CDK5R2: variants seen among roughly 807,000 people sequenced by gnomAD.
The protein encoded by CDK5R2 is cyclin-dependent kinase 5 activator 2.
In CDK5R2, 7 loss-of-function variants were observed where a neutral mutation model predicts 23.1. That is an observed-to-expected ratio of 0.30 (90% CI 0.17 to 0.57). The LOEUF (loss-of-function observed/expected upper bound fraction) is 0.57, where lower values mean the gene tolerates loss of function less well. Ranked by LOEUF, CDK5R2 falls within the 20% of genes least tolerant of loss-of-function variation. The probability of loss-of-function intolerance (pLI) is 0.91; values close to 1 mark genes in which losing one functional copy is unlikely to be tolerated. For missense variants in CDK5R2, 380 were observed against 537.6 expected, an observed-to-expected ratio of 0.71 and a Z score of 2.90; for synonymous variants, 242 against 264.9, an observed-to-expected ratio of 0.91 and a Z score of 0.84.
chr2:218,960,660 A>T lies in CDK5R2; in HGVS notation c.840A>T (p.Pro280=), dbSNP rs760088475. ...ACATGGGCAACGAGATCTCCTACCC[A>T]CTCAAGCCCTTCCTCGTGGAGCCCG... The part of the protein sequence containing the change: ...YSYMGNEISY[P]LKPFLVEPDK... The change falls in exon 1 of 1, where the codon CCA becomes CCT. Residue 280 remains proline, a synonymous_variant. Coordinates refer to ENST00000302625, the MANE Select transcript of CDK5R2 (RefSeq NM_003936.5). The T allele has an allele frequency of 1.1e-5, 17 of 1,612,748 alleles. No individual in the cohort carries two copies. Among genetic ancestry groups the T allele is most frequent in the Non-Finnish European group, 1.4e-5 (17 of 1,179,596 alleles).
chr2:218,959,874 C>T lies in CDK5R2; in HGVS notation c.54C>T (p.Pro18=), dbSNP rs542541754. 2.8e-5 allele frequency: 40 copies of T among 1,438,152 alleles called. No homozygotes were observed. The African/African-American group carries it at 3.9e-4, about 14-fold the overall frequency. The allele number at this position is 1,438,152 out of a possible 1,614,324, so 89.1% of individuals were successfully genotyped here. A position where few individuals can be genotyped will look rare whatever the true frequency, so the allele number is the denominator to read the frequency against. The change falls in exon 1 of 1, where the codon CCC becomes CCT. Residue 18 remains proline, a synonymous_variant. Coordinates refer to ENST00000302625, the MANE Select transcript of CDK5R2 (RefSeq NM_003936.5). This position sits in a 1 kb window ranked among gnomAD's most constrained non-coding sequence, Gnocchi z 4.0. Reference sequence around the variant, plus strand: ...CCTCCTCGGCCAAGGGCCGGAGGCCCGGCGGGCTGCCCGAGGAGAAGAAGA... The same window carrying T: ...CCTCCTCGGCCAAGGGCCGGAGGCCTGGCGGGCTGCCCGAGGAGAAGAAGA... The part of the protein sequence containing the change: ...SPASSAKGRR[P]GGLPEEKKKA...
In CDK5R2 at chr2:218,960,185, C is replaced by T. The variant is rs1345420961; in HGVS notation, c.365C>T (p.Ala122Val). 65 of 1,503,512 alleles carry T rather than the reference C, an allele frequency of 4.3e-5. No homozygotes were observed. The highest frequency in any genetic ancestry group is 5.2e-5 in the Non-Finnish European group (59 of 1,131,646). The allele number at this position is 1,503,512 out of a possible 1,614,324, so 93.1% of individuals were successfully genotyped here. ...PDGGGTAKPLAVPVPTVPAAA... is the reference protein window; with the variant it reads ...PDGGGTAKPLVVPVPTVPAAA... ...GGCGGCGGCACCGCCAAGCCCCTGG[C>T]GGTGCCAGTGCCCACCGTGCCCGCG... Residue 122 changes from alanine to valine, a missense_variant, in exon 1 of 1, where the codon GCG becomes GTG. By Grantham distance (64) the Ala-to-Val change is moderately conservative (BLOSUM62 0). Transcript: ENST00000302625.
Position 218,960,318 on chromosome 2 carries a change from GC to G in CDK5R2, c.500del (p.Pro167ArgfsTer38), listed in dbSNP as rs1945194138. ...CGCCTCCCCCAGCCCCGCAGGTGGC[GC>G]CGCCGGTGCCTGGCGGCTCGCCGCG... ...PPPPPAPQVA[P>X]PVPGGSPRRV... On this transcript the variant is annotated frameshift_variant, in exon 1 of 1. Transcript: ENST00000302625. LOFTEE classifies it high-confidence loss of function. The G allele has an allele frequency of 6.8e-7, 1 of 1,473,956 alleles. No homozygotes were observed. The highest frequency in any genetic ancestry group is 8.9e-7 in the Non-Finnish European group (1 of 1,120,398). 91.3% of individuals were successfully genotyped at this position (1,473,956 alleles called of 1,614,324 possible).
rs1345637725 is a variant in CDK5R2, at chr2:218,960,439, G to A, written c.619G>A (p.Gly207Ser). ...CTATCGCCTCAAGGAGCTGAGCCCG[G>A]GCGAGCTGGTGGGCTGGTTCCGCGG... ...RCYRLKELSP[G>S]ELVGWFRGVD... Residue 207 changes from glycine (G) to serine (S), a missense_variant, in exon 1 of 1, where the codon GGC becomes AGC. Physicochemically the swap from Gly to Ser is moderately conservative, Grantham distance 56. Transcript: ENST00000302625. 1.2e-6 allele frequency: 2 copies of A among 1,611,610 alleles called. No individual in the cohort carries two copies. The highest frequency in any genetic ancestry group is 1.7e-6 in the Non-Finnish European group (2 of 1,179,820).
Position 218,960,090 on chromosome 2 carries a change from G to C in CDK5R2, c.270G>C (p.Thr90=), listed in dbSNP as rs368889776. The C allele has an allele frequency of 1.2e-5, 20 of 1,602,136 alleles. No homozygotes were observed. The Admixed American group carries it at 3.4e-4, about 27-fold the overall frequency. The part of the protein sequence containing the change: ...SKKVTPKPAS[T]GPDPLVQQRN... ...AGGTGACACCCAAGCCGGCATCCACGGGCCCCGACCCCCTGGTCCAGCAAC... is the reference window on the plus strand; with the variant it reads ...AGGTGACACCCAAGCCGGCATCCACCGGCCCCGACCCCCTGGTCCAGCAAC... The change falls in exon 1 of 1, where the codon ACG becomes ACC. Residue 90 remains threonine (T), a synonymous_variant. Coordinates refer to ENST00000302625, the MANE Select transcript of CDK5R2 (RefSeq NM_003936.5).
chr2:218,960,859 T>C lies in CDK5R2; in HGVS notation c.1039T>C (p.Ser347Pro). 6.7e-7 allele frequency: 1 copy of C among 1,486,194 alleles called. No homozygotes were observed. Among genetic ancestry groups the C allele is most frequent in the Non-Finnish European group, 8.8e-7 (1 of 1,131,044 alleles). The allele number at this position is 1,486,194 out of a possible 1,614,324, so 92.1% of individuals were successfully genotyped here. A position where few individuals can be genotyped will look rare whatever the true frequency, so the allele number is the denominator to read the frequency against. ...GPPSGGAPAASSAARDSCAAG... is the reference protein window; with the variant it reads ...GPPSGGAPAAPSAARDSCAAG... ...ACCGAGCGGGGGCGCGCCCGCCGCC[T>C]CCTCGGCCGCCAGGGACAGCTGCGC... Residue 347 changes from serine to proline, a missense_variant, in exon 1 of 1, where the codon TCC becomes CCC. Ser to Pro is a moderately conservative substitution (Grantham distance 74). Around this residue, in one of 3 missense-constraint regions of CDK5R2, gnomAD observed 59 missense variants for 55.7 expected, o/e 1.06. Coordinates refer to ENST00000302625, the MANE Select transcript of CDK5R2 (RefSeq NM_003936.5).
Position 218,959,690 on chromosome 2 carries a change from C to CCT in CDK5R2, c.-131_-130insCT, listed in dbSNP as rs906482667. 2 of 1,097,084 alleles carry CCT rather than the reference C, an allele frequency of 1.8e-6. No homozygotes were observed. Among genetic ancestry groups the CCT allele is most frequent in the African/African-American group, 3.3e-5 (2 of 61,266 alleles). 68.0% of individuals were successfully genotyped at this position (1,097,084 alleles called of 1,614,324 possible). ...TAGAGCAGCGGAGCCGCCTAGCAGC[C>CCT]ACCTTCCCCCGCCAGTCCGCGCGCC... On this transcript the variant is annotated 5_prime_UTR_variant, in exon 1 of 1. Coordinates refer to ENST00000302625, the MANE Select transcript of CDK5R2 (RefSeq NM_003936.5). The surrounding 1 kb of genome is among the most constrained non-coding windows in gnomAD (Gnocchi z 4.0).
In CDK5R2 at chr2:218,960,438, G is replaced by A. The variant is rs201671241; in HGVS notation, c.618G>A (p.Pro206=). ...RRCYRLKELS[P]GELVGWFRGV... is the part of the protein sequence containing the mutation. Reference sequence around the variant, plus strand: ...GCTATCGCCTCAAGGAGCTGAGCCCGGGCGAGCTGGTGGGCTGGTTCCGCG... The same window carrying A: ...GCTATCGCCTCAAGGAGCTGAGCCCAGGCGAGCTGGTGGGCTGGTTCCGCG... Residue 206 remains proline (P), a synonymous_variant, in exon 1 of 1, where the codon CCG becomes CCA. Coordinates refer to ENST00000302625, the MANE Select transcript of CDK5R2 (RefSeq NM_003936.5). The A allele has an allele frequency of 2.2e-5, 36 of 1,611,440 alleles. No homozygotes were observed. The highest frequency in any genetic ancestry group is 3.3e-5 in the South Asian group (3 of 91,068).
In CDK5R2 at chr2:218,960,820, A is replaced by G. The variant is rs777626974; in HGVS notation, c.1000A>G (p.Ser334Gly). Reference protein sequence around the residue: ...DLKNEGEAAASGGGPPSGGAP... With the variant: ...DLKNEGEAAAGGGGPPSGGAP... ...CAAGAACGAGGGCGAGGCCGCCGCCAGCGGCGGGGGCCCACCGAGCGGGGG... is the reference window on the plus strand; with the variant it reads ...CAAGAACGAGGGCGAGGCCGCCGCCGGCGGCGGGGGCCCACCGAGCGGGGG... Residue 334 changes from serine (S) to glycine (G), a missense_variant, in exon 1 of 1, where the codon AGC becomes GGC. Physicochemically the swap from Ser to Gly is moderately conservative, Grantham distance 56. This residue lies in a region of CDK5R2 where 59 missense variants were observed against 55.7 expected (regional missense o/e 1.06). Coordinates refer to ENST00000302625, the MANE Select transcript of CDK5R2 (RefSeq NM_003936.5). The G allele has an allele frequency of 6.4e-7, 1 of 1,574,588 alleles. No homozygotes were observed. Among genetic ancestry groups the G allele is most frequent in the African/African-American group, 1.4e-5 (1 of 71,422 alleles).
rs1393912524 is a variant in CDK5R2, at chr2:218,961,211, C to T, written c.*287C>T. On this transcript the variant is annotated 3_prime_UTR_variant, in exon 1 of 1. Coordinates refer to ENST00000302625, the MANE Select transcript of CDK5R2 (RefSeq NM_003936.5). This position sits in a 1 kb window ranked among gnomAD's most constrained non-coding sequence, Gnocchi z 4.4. ...CATTTCTCCATTTCTGCCGGGGTCT[C>T]CCCCTTCCCTTCAGCCCATTCCCCC... The T allele has an allele frequency of 8.0e-6, 3 of 374,346 alleles. No homozygotes were observed. Among genetic ancestry groups the T allele is most frequent in the Admixed American group, 9.6e-5 (2 of 20,906 alleles). The allele number at this position is 374,346 out of a possible 1,614,324, so 23.2% of individuals were successfully genotyped here. A position where few individuals can be genotyped will look rare whatever the true frequency, so the allele number is the denominator to read the frequency against.
Position 218,960,926 on chromosome 2 carries a change from G to T in CDK5R2, c.*2G>T, listed in dbSNP as rs1039510827. ...TGGACTATGAACCTGGACCGCTAGG[G>T]ATACCCAGGGGCCGCGCCCATCCCC... On this transcript the variant is annotated 3_prime_UTR_variant, in exon 1 of 1. Transcript: ENST00000302625. The T allele has an allele frequency of 3.6e-6, 5 of 1,388,188 alleles. No homozygotes were observed. The highest frequency in any genetic ancestry group is 4.7e-6 in the Non-Finnish European group (5 of 1,059,954). 86.0% of individuals were successfully genotyped at this position (1,388,188 alleles called of 1,614,324 possible).
rs550501927 is a variant in CDK5R2 at position 218,960,268 on chromosome 2, T to C, written c.448T>C (p.Ser150Pro). 251 of 1,277,620 alleles carry C rather than the reference T, an allele frequency of 2.0e-4. 1 individual carries two copies. The Middle Eastern group carries it at 2.9e-3, about 15-fold the overall frequency. The allele number at this position is 1,277,620 out of a possible 1,614,324, so 79.1% of individuals were successfully genotyped here. Residue 150 changes from serine (S) to proline (P), a missense_variant, in exon 1 of 1, where the codon TCG becomes CCG. By Grantham distance (74) the Ser-to-Pro change is moderately conservative. Around this residue, in one of 3 missense-constraint regions of CDK5R2, gnomAD observed 197 missense variants for 246.4 expected, o/e 0.80. Coordinates refer to ENST00000302625, the MANE Select transcript of CDK5R2 (RefSeq NM_003936.5). ...GGSAAAQPPG[S>P]GGGKPPPPPP... is the part of the protein sequence containing the mutation. ...CAGCGCGGCCGCTCAGCCGCCGGGC[T>C]CGGGCGGGGGAAAGCCTCCGCCGCC...
rs1272675378 is a variant in CDK5R2 at position 218,960,328 on chromosome 2, C to T, written c.508C>T (p.Pro170Ser). 1.5e-5 allele frequency: 23 copies of T among 1,500,206 alleles called. No homozygotes were observed. Among genetic ancestry groups the T allele is most frequent in the Non-Finnish European group, 1.2e-5 (14 of 1,131,462 alleles). The allele number at this position is 1,500,206 out of a possible 1,614,324, so 92.9% of individuals were successfully genotyped here. ...PPAPQVAPPVPGGSPRRVIVQ... is the reference protein window; with the variant it reads ...PPAPQVAPPVSGGSPRRVIVQ... Reference sequence around the variant, plus strand: ...AGCCCCGCAGGTGGCGCCGCCGGTGCCTGGCGGCTCGCCGCGGCGGGTCAT... The same window carrying T: ...AGCCCCGCAGGTGGCGCCGCCGGTGTCTGGCGGCTCGCCGCGGCGGGTCAT... The change falls in exon 1 of 1, where the codon CCT (proline) becomes TCT (serine). Residue 170 changes from proline to serine, a missense_variant. Coordinates refer to ENST00000302625, the MANE Select transcript of CDK5R2 (RefSeq NM_003936.5).
In CDK5R2 at chr2:218,961,085, C is replaced by G. The variant is rs967809075; in HGVS notation, c.*161C>G. The G allele has an allele frequency of 4.4e-6, 2 of 450,170 alleles. No individual in the cohort carries two copies. Among genetic ancestry groups the G allele is most frequent in the Non-Finnish European group, 3.9e-6 (1 of 253,860 alleles). 27.9% of individuals were successfully genotyped at this position (450,170 alleles called of 1,614,324 possible). A position where few individuals can be genotyped will look rare whatever the true frequency, so the allele number is the denominator to read the frequency against. On this transcript the variant is annotated 3_prime_UTR_variant, in exon 1 of 1. Coordinates refer to ENST00000302625, the MANE Select transcript of CDK5R2 (RefSeq NM_003936.5). The surrounding 1 kb of genome is among the most constrained non-coding windows in gnomAD (Gnocchi z 4.4). ...TCAGGGGAAAGTGGAGACCGGGACACCAGAGGCCGCGGTGTTTGGATTTGC... is the reference window on the plus strand; with the variant it reads ...TCAGGGGAAAGTGGAGACCGGGACAGCAGAGGCCGCGGTGTTTGGATTTGC...
At position 218,960,853 on chromosome 2, in the gene CDK5R2, G is replaced by T; in HGVS notation, c.1033G>T (p.Ala345Ser). 1.3e-6 allele frequency: 2 copies of T among 1,497,716 alleles called. No individual in the cohort carries two copies. Among genetic ancestry groups the T allele is most frequent in the Non-Finnish European group, 1.8e-6 (2 of 1,136,194 alleles). The allele number at this position is 1,497,716 out of a possible 1,614,324, so 92.8% of individuals were successfully genotyped here. Residue 345 changes from alanine (A) to serine (S), a missense_variant, in exon 1 of 1, where the codon GCC becomes TCC. By Grantham distance (99) the Ala-to-Ser change is moderately conservative. This residue lies in a region of CDK5R2 where 59 missense variants were observed against 55.7 expected (regional missense o/e 1.06). Transcript: ENST00000302625. ...GGGCCCACCGAGCGGGGGCGCGCCC[G>T]CCGCCTCCTCGGCCGCCAGGGACAG... ...GGGPPSGGAP[A>S]ASSAARDSCA...
At position 218,959,923 on chromosome 2, in the gene CDK5R2, G is replaced by A; in HGVS notation, c.103G>A (p.Ala35Thr). Residue 35 changes from alanine to threonine, a missense_variant, in exon 1 of 1, where the codon GCG (alanine) becomes ACG (threonine). By Grantham distance (58) the Ala-to-Thr change is moderately conservative (BLOSUM62 0). This residue lies in a region of CDK5R2 where 197 missense variants were observed against 246.4 expected (regional missense o/e 0.80). Coordinates refer to ENST00000302625, the MANE Select transcript of CDK5R2 (RefSeq NM_003936.5). This position sits in a 1 kb window ranked among gnomAD's most constrained non-coding sequence, Gnocchi z 4.0. ...GAAGGCGCCGCCCGCGGGGGACGAG[G>A]CGCTGGGGGGCTACGGGGCGCCGCC... ...KKKAPPAGDE[A>T]LGGYGAPPVG... 1 of 1,499,198 alleles carries A rather than the reference G, an allele frequency of 6.7e-7. No homozygotes were observed. Among genetic ancestry groups the A allele is most frequent in the African/African-American group, 1.4e-5 (1 of 69,336 alleles). 92.9% of individuals were successfully genotyped at this position (1,499,198 alleles called of 1,614,324 possible).
Position 218,961,245 on chromosome 2 carries a change from A to C in CDK5R2, c.*321A>C. 1 of 306,414 alleles carries C rather than the reference A, an allele frequency of 3.3e-6. No homozygotes were observed. The highest frequency in any genetic ancestry group is 6.2e-6 in the Non-Finnish European group (1 of 160,296). The allele number at this position is 306,414 out of a possible 1,614,324, so 19.0% of individuals were successfully genotyped here. A position where few individuals can be genotyped will look rare whatever the true frequency, so the allele number is the denominator to read the frequency against. On this transcript the variant is annotated 3_prime_UTR_variant, in exon 1 of 1. Transcript: ENST00000302625. The surrounding 1 kb of genome is among the most constrained non-coding windows in gnomAD (Gnocchi z 4.4). ...CTTCAGCCCATTCCCCCTCGGTTTT[A>C]TCCATTTCCTTGCCTCCTTTTTGTG...
Position 218,960,684 on chromosome 2 carries a change from C to A in CDK5R2, c.864C>A (p.Pro288=). The change falls in exon 1 of 1, where the codon CCC becomes CCA. Residue 288 remains proline, a synonymous_variant. Coordinates refer to ENST00000302625, the MANE Select transcript of CDK5R2 (RefSeq NM_003936.5). ...SYPLKPFLVE[P]DKERFWQRCL... ...CACTCAAGCCCTTCCTCGTGGAGCC[C>A]GACAAGGAGCGCTTCTGGCAGCGCT... The A allele has an allele frequency of 1.2e-6, 2 of 1,614,042 alleles. No individual in the cohort carries two copies. Among genetic ancestry groups the A allele is most frequent in the Middle Eastern group, 3.3e-4 (2 of 6,062 alleles).
chr2:218,960,178 C>A lies in CDK5R2; in HGVS notation c.358C>A (p.Pro120Thr). The change falls in exon 1 of 1, where the codon CCC becomes ACC. Residue 120 changes from proline to threonine, a missense_variant. Transcript: ENST00000302625. Reference sequence around the variant, plus strand: ...CCCCGACGGCGGCGGCACCGCCAAGCCCCTGGCGGTGCCAGTGCCCACCGT... The same window carrying A: ...CCCCGACGGCGGCGGCACCGCCAAGACCCTGGCGGTGCCAGTGCCCACCGT... ...DPPDGGGTAKPLAVPVPTVPA... is the reference protein window; with the variant it reads ...DPPDGGGTAKTLAVPVPTVPA... 6.6e-7 allele frequency: 1 copy of A among 1,514,270 alleles called. No individual in the cohort carries two copies. Among genetic ancestry groups the A allele is most frequent in the Non-Finnish European group, 8.8e-7 (1 of 1,136,528 alleles). The allele number at this position is 1,514,270 out of a possible 1,614,324, so 93.8% of individuals were successfully genotyped here. A position where few individuals can be genotyped will look rare whatever the true frequency, so the allele number is the denominator to read the frequency against.
Sources: allele counts gnomAD v4.1 joint callset, GRCh38; gene constraint gnomAD v4.1.1; regional missense constraint gnomAD v4.1.1; non-coding constraint Gnocchi (gnomAD v3.1); transcripts MANE v1.5; gene names NCBI Gene and HGNC (gene_info 2026-07-23, HGNC 2026-07-21).